Variants in PDS5B observed in about 807,000 individuals in gnomAD.
PDS5B encodes the protein PDS5 cohesin associated factor B, also known as sister chromatid cohesion protein PDS5 homolog B.
In PDS5B, 51 loss-of-function variants were observed where a neutral mutation model predicts 184.1. The ratio of observed to expected loss-of-function variants is 0.28; its 90% CI spans 0.22 to 0.35. The LOEUF (loss-of-function observed/expected upper bound fraction) is 0.35. Ranked by LOEUF, PDS5B falls within the 10% of genes least tolerant of loss-of-function variation. The pLI, the probability that PDS5B is intolerant of heterozygous loss-of-function variation, is 1.00. For synonymous variants in PDS5B, 566 were observed against 569.2 expected, an observed-to-expected ratio of 0.99 and a Z score of 0.08; for missense variants, 1,180 against 1,723.3, an observed-to-expected ratio of 0.68 and a Z score of 5.58.
At chr13:32,716,392 C>G (rs910130633) in intron 19 of PDS5B, among the ~76,000 whole-genome samples, 2 of 151,770 alleles carry the variant, frequency 1.3e-5, no homozygotes, top group Non-Finnish European at 2.9e-5. Context: ...GCCCAGCCAC[C>G]CCGTTTGAGA....
At chr13:32,734,925 A>G (rs574800812) in intron 20 of PDS5B, among the ~76,000 whole-genome samples, 35 of 152,176 alleles carry the variant, frequency 2.3e-4, no homozygotes, top group South Asian at 8.3e-4. Context: ...CTACCTCTAA[A>G]CTGAATTGGG....
chr13:32,659,120 T>G, intron 5 of PDS5B, 34 bp from the exon 6 acceptor site: 3 of 1,496,028 alleles, frequency 2.0e-6, no homozygotes, highest in Non-Finnish European at 2.7e-6. Flanking sequence ...TATATCTCAG[T>G]TGTAATTGAA....
chr13:32,723,707 A>G (rs1226548376), intron 19 of PDS5B, among the ~76,000 whole-genome samples: 1 of 152,230 alleles, frequency 6.6e-6, no homozygotes, highest in Non-Finnish European at 1.5e-5. Context: ...GGGAAAGATT[A>G]TAGGTGTTTG....
intron 33 of PDS5B, among the ~76,000 whole-genome samples, chr13:32,771,865 A>G (rs1954799084): frequency 6.6e-6 from 1 of 152,054 alleles, no homozygotes; most frequent in Non-Finnish European, 1.5e-5. Flanking sequence ...ACATCATAAA[A>G]TTCAGGGTTT....
At chr13:32,753,629 ATTAT>A (rs1436060743) in intron 25 of PDS5B, 93 bp downstream of exon 25, 56 of 727,290 alleles carry the variant, frequency 7.7e-5, no homozygotes, top group South Asian at 5.0e-4. Flanking sequence ...ACTGTTATTT[ATTAT>A]TTGTGATTAA....
Position 32,651,908 on chromosome 13 carries a change from T to C in PDS5B, c.213T>C (p.His71=), listed in dbSNP as rs771915976. 6.2e-7 allele frequency: 1 copy of C among 1,613,462 alleles called. No homozygotes were observed. ...LHLASDFFLK[H]PDKDVRLLVA... ...TTGCTTCAGATTTTTTTCTCAAGCA[T>C]CCTGATAAAGATGTTCGCTTACTGG... The change falls in exon 3 of 35, where the codon CAT becomes CAC. Residue 71 remains histidine (H), a synonymous_variant. Transcript: ENST00000315596.
chr13:32,704,251 C>T (rs1013810443), intron 17 of PDS5B, among the ~76,000 whole-genome samples: 4 of 152,114 alleles, frequency 2.6e-5, no homozygotes, highest in Admixed American at 6.6e-5. Flanking sequence ...TCACTGCAGC[C>T]TCCACCTGCT....
chr13:32,601,419 G>C (rs915867118), intron 1 of PDS5B, among the ~76,000 whole-genome samples: 3 of 152,304 alleles, frequency 2.0e-5, no homozygotes, highest in South Asian at 4.1e-4. Context: ...CACTTGATAA[G>C]AATAGGTTAT....
At chr13:32,712,184 A>G (rs1952230655) in intron 19 of PDS5B, among the ~76,000 whole-genome samples, 1 of 152,256 alleles carries the variant, frequency 6.6e-6, no homozygotes, top group Non-Finnish European at 1.5e-5. Context: ...GGTTTGATAT[A>G]TTTGTAGAAC....
At chr13:32,614,744 GCTGT>G (rs1357656019) in intron 1 of PDS5B, among the ~76,000 whole-genome samples, 1 of 152,212 alleles carries the variant, frequency 6.6e-6, no homozygotes, top group Non-Finnish European at 1.5e-5. Context: ...GGTTGAGTGA[GCTGT>G]CTAAGGTGAC....
chr13:32,775,071 T>C lies in PDS5B; in HGVS notation c.*19T>C, dbSNP rs572932212. The C allele has an allele frequency of 1.5e-4, 243 of 1,581,454 alleles. 1 individual carries two copies. The South Asian group carries it at 2.6e-3, about 17-fold the overall frequency. ...GCGATGAACAAATGTAATTAATAACTTTCTCTGTGAAAGCTTTGGAAAAAT... is the reference window on the plus strand; with the variant it reads ...GCGATGAACAAATGTAATTAATAACCTTCTCTGTGAAAGCTTTGGAAAAAT... On this transcript the variant is annotated 3_prime_UTR_variant, in exon 35 of 35. Coordinates refer to ENST00000315596, the MANE Select transcript of PDS5B (RefSeq NM_015032.4).
intron 19 of PDS5B, among the ~76,000 whole-genome samples, chr13:32,718,371 C>T (rs575779481): frequency 2.4e-4 from 37 of 152,146 alleles, no homozygotes; most frequent in Non-Finnish European, 4.0e-4. Flanking sequence ...AGGATGCTCT[C>T]GATCTCCTGA....
At chr13:32,586,778 TGGCCCGGGGCGGG>T (rs2057683447) in intron 1 of PDS5B, among the ~76,000 whole-genome samples, 185 bp downstream of exon 1, 2 of 128,654 alleles carry the variant, frequency 1.6e-5, no homozygotes, top group African/African-American at 2.9e-5. Context: ...TGCCTGGCGG[TGGCCCGGGGCGGG>T]GGTCGCGGGG....
intron 31 of PDS5B, among the ~76,000 whole-genome samples, chr13:32,765,779 T>G (rs1016051170): frequency 1.3e-5 from 2 of 152,186 alleles, no homozygotes; most frequent in African/African-American, 4.8e-5. Context: ...AATTTTTGTA[T>G]TTTTTAAAGG....
intron 19 of PDS5B, among the ~76,000 whole-genome samples, chr13:32,730,073 T>A (rs1403177031): frequency 6.6e-6 from 1 of 152,188 alleles, no homozygotes; most frequent in African/African-American, 2.4e-5. Context: ...TTTTTTATGG[T>A]TTTAGGTTTT....
intron 7 of PDS5B, among the ~76,000 whole-genome samples, chr13:32,671,292 A>T (rs1459181538): frequency 6.6e-6 from 1 of 152,152 alleles, no homozygotes; most frequent in Non-Finnish European, 1.5e-5. Context: ...ATTTGTGAGA[A>T]ATTAAACCAG....
At chr13:32,733,774 T>TC (rs1038688919) in intron 20 of PDS5B, among the ~76,000 whole-genome samples, 8 of 152,142 alleles carry the variant, frequency 5.3e-5, no homozygotes, top group African/African-American at 1.9e-4. Context: ...CACCCATGTA[T>TC]CCCCAGCCAC....
intron 19 of PDS5B, among the ~76,000 whole-genome samples, chr13:32,714,287 G>A (rs1176685503): frequency 1.3e-5 from 2 of 152,060 alleles, no homozygotes; most frequent in African/African-American, 2.4e-5. Context: ...GAGATCAACC[G>A]GTCTGACCAA....
chr13:32,677,901 T>C (rs1173548193), intron 9 of PDS5B, among the ~76,000 whole-genome samples: 2 of 152,132 alleles, frequency 1.3e-5, no homozygotes, highest in Non-Finnish European at 2.9e-5. Flanking sequence ...TTTTACATTC[T>C]GTGATAAAGT....
Sources: allele counts gnomAD v4.1 joint callset (sites outside exome capture counted in the v4.1 genomes callset), GRCh38; gene constraint gnomAD v4.1.1; transcripts MANE v1.5; gene names NCBI Gene and HGNC (gene_info 2026-07-23, HGNC 2026-07-21).